TEX22: variants seen among roughly 807,000 people sequenced by gnomAD.
TEX22 encodes the protein testis-expressed protein 22.
TEX22 carries 16 observed loss-of-function variants against 11.3 expected under a neutral mutation model. That is an observed-to-expected ratio of 1.42 (90% confidence interval 0.96 to 2.15). TEX22 has a LOEUF of 2.15. Among genes scored for constraint, TEX22 ranks in the 30% most tolerant of loss-of-function variants. The pLI is 0.00. For missense variants in TEX22, 220 were observed against 208.6 expected (o/e 1.05, Z -0.34); for synonymous variants, 97 against 92.3 (o/e 1.05, Z -0.29).
intron 2 of TEX22, among the ~76,000 whole-genome samples, chr14:105,402,006 TGAAACCCC>T (rs1325201951): frequency 6.6e-6 from 1 of 152,130 alleles, no homozygotes. Flanking sequence ...GCAAATGGGA[TGAAACCCC>T]GTCTCTATTA....
rs1555419408 is a variant in TEX22, at chr14:105,411,674, G to A, written c.294G>A (p.Met98Ile). ...TQLHCRDVVQ[M>I]VAQLVSEDVD... Reference sequence around the variant, plus strand: ...CTCGCCCGCAGGACGTCGTGCAGATGGTAGCCCAGCTGGTGTCGGAGGACG... The same window carrying A: ...CTCGCCCGCAGGACGTCGTGCAGATAGTAGCCCAGCTGGTGTCGGAGGACG... The change falls in exon 4 of 4, where the codon ATG (methionine) becomes ATA (isoleucine). Residue 98 changes from methionine to isoleucine, a missense_variant. Transcript: ENST00000451127. 1 of 1,531,394 alleles carries A rather than the reference G, an allele frequency of 6.5e-7. No homozygotes were observed. The highest frequency in any genetic ancestry group is 8.7e-7 in the Non-Finnish European group (1 of 1,144,608). The allele number at this position is 1,531,394 out of a possible 1,614,324, so 94.9% of individuals were successfully genotyped here.
Position 105,411,448 on chromosome 14 carries a change from G to A in TEX22, c.231G>A (p.Leu77=). Residue 77 remains leucine, a synonymous_variant, in exon 3 of 4, where the codon CTG becomes CTA. Transcript: ENST00000451127. ...ACGAGCGCCGGCGGCTGGCCACGCT[G>A]GGCGGCCGGGAGAGGCCGGGCGCCG... ...SIDERRRLAT[L]GGRERPGAAG... The A allele has an allele frequency of 8.1e-7, 1 of 1,239,618 alleles. No individual in the cohort carries two copies. The highest frequency in any genetic ancestry group is 1.0e-6 in the Non-Finnish European group (1 of 995,796). The allele number at this position is 1,239,618 out of a possible 1,614,324, so 76.8% of individuals were successfully genotyped here.
intron 2 of TEX22, among the ~76,000 whole-genome samples, chr14:105,402,284 T>C (rs2081631614): frequency 6.6e-6 from 1 of 152,226 alleles, no homozygotes; most frequent in South Asian, 2.1e-4. Context: ...ACTATTTGCA[T>C]CTAATATGTT....
chr14:105,405,519 C>T (rs879976100), intron 2 of TEX22, among the ~76,000 whole-genome samples: 21 of 152,194 alleles, frequency 1.4e-4, no homozygotes, highest in Admixed American at 6.5e-4. Context: ...ACGTGTGCAG[C>T]GGTAAGCACA....
intron 2 of TEX22, among the ~76,000 whole-genome samples, chr14:105,410,775 C>T (rs999900314): frequency 3.3e-5 from 5 of 152,148 alleles, no homozygotes; most frequent in Non-Finnish European, 7.4e-5. Context: ...TGGGAAGTTC[C>T]TTCTTGGGGG....
Position 105,411,775 on chromosome 14 carries a change from G to A in TEX22, c.395G>A (p.Arg132His), listed in dbSNP as rs1013572126. The A allele has an allele frequency of 6.7e-7, 1 of 1,502,560 alleles. No homozygotes were observed. Among genetic ancestry groups the A allele is most frequent in the South Asian group, 1.2e-5 (1 of 82,546 alleles). The allele number at this position is 1,502,560 out of a possible 1,614,324, so 93.1% of individuals were successfully genotyped here. ...STNAFQAFLA[R>H]SAPFWHNATF... is the part of the protein sequence containing the mutation. ...AACGCCTTCCAGGCCTTCCTGGCGCGCAGTGCGCCTTTCTGGCATAATGCG... is the reference window on the plus strand; with the variant it reads ...AACGCCTTCCAGGCCTTCCTGGCGCACAGTGCGCCTTTCTGGCATAATGCG... The change falls in exon 4 of 4, where the codon CGC becomes CAC. Residue 132 changes from arginine to histidine, a missense_variant. Transcript: ENST00000451127.
chr14:105,399,364 C>T lies in TEX22; in HGVS notation c.24C>T (p.Pro8=), dbSNP rs1555418121. 1.0e-5 allele frequency: 16 copies of T among 1,535,776 alleles called. No homozygotes were observed. Among genetic ancestry groups the T allele is most frequent in the Non-Finnish European group, 1.4e-5 (16 of 1,146,782 alleles). MDSRKLS[P]RGKKLESHLS... ...AGATGGACAGCAGGAAACTGTCCCCCCGGGGGAAGAAGCTGGAGTCGCACC... is the reference window on the plus strand; with the variant it reads ...AGATGGACAGCAGGAAACTGTCCCCTCGGGGGAAGAAGCTGGAGTCGCACC... Residue 8 remains proline (P), a synonymous_variant, in exon 2 of 4, where the codon CCC becomes CCT. Transcript: ENST00000451127.
chr14:105,400,089 C>T (rs587685313), intron 2 of TEX22, among the ~76,000 whole-genome samples: 3 of 152,310 alleles, frequency 2.0e-5, no homozygotes, highest in Admixed American at 1.3e-4. Context: ...GAACCCCACT[C>T]GTGTGGTTCC....
chr14:105,404,680 T>C (rs1331765153), intron 2 of TEX22, among the ~76,000 whole-genome samples: 1 of 152,164 alleles, frequency 6.6e-6, no homozygotes, highest in Admixed American at 6.5e-5. Context: ...GGGGAAGCCA[T>C]GCTCAGCCTG....
rs1212203695 is a variant in TEX22 at position 105,411,392 on chromosome 14, C to T, written c.175C>T (p.Arg59Cys). 4.5e-6 allele frequency: 6 copies of T among 1,320,796 alleles called. No individual in the cohort carries two copies. The highest frequency in any genetic ancestry group is 5.8e-6 in the Non-Finnish European group (6 of 1,035,624). 81.8% of individuals were successfully genotyped at this position (1,320,796 alleles called of 1,614,324 possible). Residue 59 changes from arginine to cysteine, a missense_variant, in exon 3 of 4, where the codon CGC becomes TGC. By Grantham distance (180) the Arg-to-Cys change is radical (BLOSUM62 -3). Transcript: ENST00000451127. ...DWVCEPPERRRPGRRWSVSID... is the reference protein window; with the variant it reads ...DWVCEPPERRCPGRRWSVSID... Reference sequence around the variant, plus strand: ...GGTGTGCGAGCCGCCGGAACGCAGGCGCCCGGGCCGCCGCTGGAGCGTCAG... The same window carrying T: ...GGTGTGCGAGCCGCCGGAACGCAGGTGCCCGGGCCGCCGCTGGAGCGTCAG...
chr14:105,411,917 C>A lies in TEX22; in HGVS notation c.*84C>A. On this transcript the variant is annotated 3_prime_UTR_variant, in exon 4 of 4. Transcript: ENST00000451127. ...GGGCAGCCTCTGCGCCTTCTTTGTG[C>A]CCCACCAGGGGGTCACCACCCACCC... is the stretch of plus-strand genomic sequence containing the variant. 1 of 1,305,650 alleles carries A rather than the reference C, an allele frequency of 7.7e-7. No individual in the cohort carries two copies. The highest frequency in any genetic ancestry group is 1.0e-6 in the Non-Finnish European group (1 of 1,000,902). The allele number at this position is 1,305,650 out of a possible 1,614,324, so 80.9% of individuals were successfully genotyped here.
intron 2 of TEX22, among the ~76,000 whole-genome samples, chr14:105,406,475 G>T (rs1319112388): frequency 6.6e-6 from 1 of 152,142 alleles, no homozygotes; most frequent in Non-Finnish European, 1.5e-5. Context: ...ACTTCAGGAG[G>T]CCAAGGCAGG....
chr14:105,402,774 A>G (rs2081639446), intron 2 of TEX22, among the ~76,000 whole-genome samples: 1 of 151,272 alleles, frequency 6.6e-6, no homozygotes, highest in East Asian at 1.9e-4. Flanking sequence ...AAAAAAAAAA[A>G]GAGAAACCTG....
Position 105,411,445 on chromosome 14 carries a change from G to A in TEX22, c.228G>A (p.Thr76=), listed in dbSNP as rs995570953. Residue 76 remains threonine (T), a synonymous_variant, in exon 3 of 4, where the codon ACG becomes ACA. Transcript: ENST00000451127. ...TCGACGAGCGCCGGCGGCTGGCCAC[G>A]CTGGGCGGCCGGGAGAGGCCGGGCG... is the stretch of plus-strand genomic sequence containing the variant. ...VSIDERRRLA[T]LGGRERPGAA... is the part of the protein sequence containing the mutation. 6 of 1,239,984 alleles carry A rather than the reference G, an allele frequency of 4.8e-6. No individual in the cohort carries two copies. The African/African-American group carries it at 9.4e-5, about 19-fold the overall frequency. 76.8% of individuals were successfully genotyped at this position (1,239,984 alleles called of 1,614,324 possible).
intron 2 of TEX22, 38 bp from the exon 3 acceptor site, chr14:105,411,330 C>T: frequency 2.4e-6 from 3 of 1,271,080 alleles, no homozygotes; most frequent in Non-Finnish European, 3.0e-6. Context: ...GGGGAGCTGG[C>T]GCCGAGGCCC....
chr14:105,409,170 C>G (rs367823259), intron 2 of TEX22, among the ~76,000 whole-genome samples: 1 of 151,840 alleles, frequency 6.6e-6, no homozygotes, highest in Non-Finnish European at 1.5e-5. Flanking sequence ...TTCCCCACTC[C>G]CTCTCCCCTC....
chr14:105,409,165 C>T (rs1197267837), intron 2 of TEX22, among the ~76,000 whole-genome samples: 2 of 151,966 alleles, frequency 1.3e-5, no homozygotes, highest in African/African-American at 4.8e-5. Flanking sequence ...TAGCCTTCCC[C>T]ACTCCCTCTC....
At chr14:105,398,837 G>A (rs1304935311) in intron 1 of TEX22, among the ~76,000 whole-genome samples, 2 of 152,240 alleles carry the variant, frequency 1.3e-5, no homozygotes, top group Admixed American at 1.3e-4. Flanking sequence ...TAAGGGCTCC[G>A]GGCTGGGCCT....
Position 105,411,373 on chromosome 14 carries a change from C to G in TEX22, c.156C>G (p.Cys52Trp). Reference sequence around the variant, plus strand: ...CCCGCTGCCCTGTCCCCCAGGTGTGCGAGCCGCCGGAACGCAGGCGCCCGG... The same window carrying G: ...CCCGCTGCCCTGTCCCCCAGGTGTGGGAGCCGCCGGAACGCAGGCGCCCGG... ...QQGLQTQDWVCEPPERRRPGR... is the reference protein window; with the variant it reads ...QQGLQTQDWVWEPPERRRPGR... The change falls in exon 3 of 4, where the codon TGC (cysteine) becomes TGG (tryptophan). Residue 52 changes from cysteine to tryptophan, a missense_variant. By Grantham distance (215) the Cys-to-Trp change is radical. Transcript: ENST00000451127. The G allele has an allele frequency of 2.3e-6, 3 of 1,326,576 alleles. No homozygotes were observed. Among genetic ancestry groups the G allele is most frequent in the Non-Finnish European group, 2.9e-6 (3 of 1,037,826 alleles). The allele number at this position is 1,326,576 out of a possible 1,614,324, so 82.2% of individuals were successfully genotyped here. A position where few individuals can be genotyped will look rare whatever the true frequency, so the allele number is the denominator to read the frequency against.
Sources: allele counts gnomAD v4.1 joint callset (sites outside exome capture counted in the v4.1 genomes callset), GRCh38; gene constraint gnomAD v4.1.1; transcripts MANE v1.5; gene names NCBI Gene and HGNC (gene_info 2026-07-23, HGNC 2026-07-21).